Variants in PDE1C observed in about 807,000 individuals in gnomAD.
PDE1C encodes phosphodiesterase 1C, also known as dual specificity calcium/calmodulin-dependent 3',5'-cyclic nucleotide phosphodiesterase 1C.
In PDE1C, 62 loss-of-function variants were observed where a neutral mutation model predicts 93.1. The observed-to-expected ratio is 0.67, with a 90% CI of 0.54 to 0.82. The LOEUF is 0.82. Among genes scored for constraint, PDE1C ranks in the 40% least tolerant of loss-of-function variants. The pLI is 0.00. For synonymous variants in PDE1C, 325 were observed against 310.1 expected (o/e 1.05, Z -0.50); for missense variants, 742 against 884.6 (o/e 0.84, Z 2.04).
At chr7:31,748,898 A>G (rs77995911), downstream of PDE1C, among the ~76,000 whole-genome samples, 695 of 152,356 alleles carry the variant, frequency 4.6e-3, 8 homozygotes, top group East Asian at 0.016. Flanking sequence ...TGGATCAAAG[A>G]GAATATAATT....
chr7:32,105,217 A>G (rs1798236258), intron 3 of PDE1C, among the ~76,000 whole-genome samples: 3 of 152,214 alleles, frequency 2.0e-5, no homozygotes, highest in Admixed American at 6.5e-5. Context: ...TAAAAGGGAC[A>G]TGAGATAATT....
At chr7:31,871,744 C>A (rs947744194) in intron 6 of PDE1C, among the ~76,000 whole-genome samples, 5 of 150,824 alleles carry the variant, frequency 3.3e-5, no homozygotes, top group African/African-American at 1.2e-4. Context: ...GGGAACACTT[C>A]TACAACGTTG....
intron 17 of PDE1C, among the ~76,000 whole-genome samples, chr7:31,767,494 C>G (rs1364189642): frequency 1.3e-5 from 2 of 152,276 alleles, no homozygotes; most frequent in East Asian, 3.9e-4. Flanking sequence ...TGCCATGACT[C>G]TAAGTTTCCT....
the PDE1C span, among the ~76,000 whole-genome samples, chr7:31,620,290 C>T: frequency 2.7e-4 from 41 of 151,780 alleles, no homozygotes; most frequent in African/African-American, 8.4e-4. Flanking sequence ...GATCTGAGAA[C>T]GGGCAGACTG....
the PDE1C span, among the ~76,000 whole-genome samples, chr7:31,723,283 C>T: frequency 1.3e-5 from 2 of 152,254 alleles, no homozygotes. Context: ...GTTGGTTTGT[C>T]CTCCTCAGGT....
intron 2 of PDE1C, among the ~76,000 whole-genome samples, chr7:32,006,855 C>T (rs1435994929): frequency 6.6e-6 from 1 of 152,114 alleles, no homozygotes; most frequent in Non-Finnish European, 1.5e-5. Flanking sequence ...TATGGAGTCA[C>T]CCAAGGCAGG....
chr7:31,896,838 G>A (rs1799381799), intron 2 of PDE1C, among the ~76,000 whole-genome samples: 1 of 152,180 alleles, frequency 6.6e-6, no homozygotes, highest in Non-Finnish European at 1.5e-5. Context: ...TTGTCATGGT[G>A]TTAATTGTCT....
chr7:31,813,030 A>G (rs1787740533), intron 15 of PDE1C, among the ~76,000 whole-genome samples: 1 of 152,148 alleles, frequency 6.6e-6, no homozygotes, highest in Non-Finnish European at 1.5e-5. Context: ...GAACTTTTAC[A>G]TGATTTAATG....
chr7:31,790,252 T>C (rs765709876), intron 16 of PDE1C: 102 of 1,612,538 alleles, frequency 6.3e-5, no homozygotes, highest in Middle Eastern at 3.3e-4. Context: ...TTTTTTACTC[T>C]TGTGAATCTG....
the PDE1C span, among the ~76,000 whole-genome samples, chr7:31,683,533 A>G: frequency 6.6e-6 from 1 of 152,122 alleles, no homozygotes; most frequent in African/African-American, 2.4e-5. Flanking sequence ...GAGCAAAGAC[A>G]CAGTGCTCAC....
chr7:31,708,341 A>G, the PDE1C span: 1 of 152,208 alleles, frequency 6.6e-6, no homozygotes, highest in South Asian at 2.1e-4. Flanking sequence ...AAGAGTGATA[A>G]TTTGGTAGCT....
At chr7:31,935,704 A>G (rs539318344) in intron 2 of PDE1C, among the ~76,000 whole-genome samples, 58 of 152,248 alleles carry the variant, frequency 3.8e-4, no homozygotes, top group Non-Finnish European at 6.5e-4. Flanking sequence ...AACATAAATT[A>G]AAGTTAGGAT....
At chr7:32,288,285 T>C (rs1812125909) in intron 1 of PDE1C, among the ~76,000 whole-genome samples, 1 of 152,158 alleles carries the variant, frequency 6.6e-6, no homozygotes, top group African/African-American at 2.4e-5. Context: ...ATTGGTAGCA[T>C]CAAATGAGCT....
downstream of PDE1C, among the ~76,000 whole-genome samples, chr7:31,747,406 C>T (rs965744458): frequency 2.6e-5 from 4 of 152,108 alleles, no homozygotes; most frequent in Non-Finnish European, 5.9e-5. Context: ...GTGCCAGGAA[C>T]CTGGTGGGTT....
chr7:31,912,378 C>G (rs1467980706), intron 2 of PDE1C, among the ~76,000 whole-genome samples: 1 of 152,048 alleles, frequency 6.6e-6, no homozygotes, highest in African/African-American at 2.4e-5. Context: ...ATTTTTATAT[C>G]ATGGTGTATT....
At chr7:32,247,243 G>GTTCGACTTACAATTTTTC (rs1169251177) in intron 1 of PDE1C, among the ~76,000 whole-genome samples, 99 of 124,626 alleles carry the variant, frequency 7.9e-4, no homozygotes, top group Admixed American at 1.4e-3. Flanking sequence ...TGTGCGAATT[G>GTTCGACTTACAATTTTTC]AAGCAGTGGC....
chr7:31,849,326 G>A (rs1452373746), intron 8 of PDE1C, among the ~76,000 whole-genome samples: 1 of 152,142 alleles, frequency 6.6e-6, no homozygotes, highest in African/African-American at 2.4e-5. Flanking sequence ...TCTGTCCTCA[G>A]AGCAAAGGTT....
chr7:32,222,390 A>C (rs945509036), intron 1 of PDE1C, among the ~76,000 whole-genome samples: 4 of 152,136 alleles, frequency 2.6e-5, no homozygotes, highest in African/African-American at 4.8e-5. Flanking sequence ...TGTTTCCCCC[A>C]GACTAGCACA....
At chr7:32,323,679 A>G (rs530061695) in intron 1 of PDE1C, among the ~76,000 whole-genome samples, 2 of 152,178 alleles carry the variant, frequency 1.3e-5, no homozygotes, top group Non-Finnish European at 2.9e-5. Flanking sequence ...AAAAGACTCT[A>G]AGGGAATACA....
Sources: allele counts gnomAD v4.1 joint callset (sites outside exome capture counted in the v4.1 genomes callset), GRCh38; gene constraint gnomAD v4.1.1; transcripts MANE v1.5; gene names NCBI Gene and HGNC (gene_info 2026-07-23, HGNC 2026-07-21).